The following SLC16A7 variants were observed in gnomAD, a reference collection of about 807,000 sequenced individuals.
The protein encoded by SLC16A7 is monocarboxylate transporter 2.
In SLC16A7, 33 loss-of-function variants were observed where a neutral mutation model predicts 34.9. The ratio of observed to expected loss-of-function variants is 0.94; its 90% CI spans 0.72 to 1.26. The LOEUF is 1.26. SLC16A7 is among the 50% of genes most tolerant of loss of function. The probability of loss-of-function intolerance (pLI) is 0.00; values close to 1 mark genes in which losing one functional copy is unlikely to be tolerated. For synonymous variants in SLC16A7, 201 were observed against 206.6 expected, an observed-to-expected ratio of 0.97 and a Z score of 0.23; for missense variants, 573 against 578.1, an observed-to-expected ratio of 0.99 and a Z score of 0.09.
At chr12:59,714,599 C>G (rs1874669275) in intron 3 of SLC16A7, among the ~76,000 whole-genome samples, 1 of 151,420 alleles carries the variant, frequency 6.6e-6, no homozygotes, top group African/African-American at 2.4e-5. Flanking sequence ...GAGTCTTGCT[C>G]TGCCGCCCAG....
intron 1 of SLC16A7, among the ~76,000 whole-genome samples, chr12:59,630,362 A>G (rs113018553): frequency 1.9e-4 from 29 of 152,002 alleles, no homozygotes; most frequent in African/African-American, 6.5e-4. Context: ...AGTTAGACAC[A>G]GTTGGAAGAT....
intron 3 of SLC16A7, among the ~76,000 whole-genome samples, chr12:59,705,874 T>A (rs548811380): frequency 6.6e-6 from 1 of 152,142 alleles, no homozygotes; most frequent in African/African-American, 2.4e-5. Flanking sequence ...TCTTCTGTGA[T>A]TTCTTATTTT....
chr12:59,631,914 G>A (rs1432686780), intron 1 of SLC16A7, among the ~76,000 whole-genome samples: 1 of 152,014 alleles, frequency 6.6e-6, no homozygotes, highest in Non-Finnish European at 1.5e-5. Context: ...GTGTATTTGT[G>A]TGTATGTTTG....
chr12:59,617,157 T>A (rs1030503907), intron 1 of SLC16A7, among the ~76,000 whole-genome samples: 1 of 152,098 alleles, frequency 6.6e-6, no homozygotes, highest in Admixed American at 6.5e-5. Flanking sequence ...ATTCCTGCTC[T>A]ATTCTGTGAG....
At position 59,775,168 on chromosome 12, in the gene SLC16A7, C is replaced by T. The variant is rs745748159; in HGVS notation, c.873C>T (p.Phe291=). ...SAAFLLSVMA[F]VDMFARPSVG... ...CTTTTCTGCTATCTGTTATGGCTTTCGTTGATATGTTTGCTAGGCCTTCTG... is the reference window on the plus strand; with the variant it reads ...CTTTTCTGCTATCTGTTATGGCTTTTGTTGATATGTTTGCTAGGCCTTCTG... Residue 291 remains phenylalanine, a synonymous_variant, in exon 5 of 6, where the codon TTC becomes TTT. Transcript: ENST00000547379. The T allele has an allele frequency of 4.5e-5, 73 of 1,613,890 alleles. No homozygotes were observed. The highest frequency in any genetic ancestry group is 5.1e-5 in the Non-Finnish European group (60 of 1,180,000).
intron 2 of SLC16A7, among the ~76,000 whole-genome samples, chr12:59,656,837 C>A (rs926220956): frequency 6.6e-6 from 1 of 151,896 alleles, no homozygotes; most frequent in East Asian, 1.9e-4. Context: ...CTTTTAGATA[C>A]ATAGTTTACT....
chr12:59,613,647 T>C (rs1385833512), intron 1 of SLC16A7, among the ~76,000 whole-genome samples: 1 of 152,154 alleles, frequency 6.6e-6, no homozygotes, highest in Non-Finnish European at 1.5e-5. Flanking sequence ...GTGGGAAGAC[T>C]ATCAGGTAGA....
intron 2 of SLC16A7, among the ~76,000 whole-genome samples, chr12:59,693,733 C>T (rs1324120270): frequency 2.0e-5 from 3 of 151,888 alleles, no homozygotes; most frequent in Middle Eastern, 3.4e-3. Flanking sequence ...ACAAGACCAT[C>T]AGAATGGACA....
intron 1 of SLC16A7, among the ~76,000 whole-genome samples, chr12:59,610,165 A>G (rs993494665): frequency 2.0e-5 from 3 of 152,342 alleles, no homozygotes; most frequent in South Asian, 2.1e-4. Flanking sequence ...GAGAAATTAC[A>G]GGGCAGCAAG....
intron 1 of SLC16A7, among the ~76,000 whole-genome samples, chr12:59,614,529 A>C (rs1012310162): frequency 2.0e-5 from 3 of 152,070 alleles, no homozygotes; most frequent in Non-Finnish European, 4.4e-5. Flanking sequence ...GAAAAATTAT[A>C]TATTCTTTGC....
chr12:59,617,204 A>G (rs1032278537), intron 1 of SLC16A7, among the ~76,000 whole-genome samples: 3 of 152,054 alleles, frequency 2.0e-5, no homozygotes, highest in African/African-American at 7.2e-5. Flanking sequence ...AAATTAGAGT[A>G]CATTTGTAAA....
rs1049671228 is a variant in SLC16A7, at chr12:59,739,020, A to G, written c.218-32199A>G. 3.7e-3 allele frequency among the ~76,000 whole-genome samples: 261 copies of G among 70,958 alleles called. 1 individual carries two copies. The highest frequency in any genetic ancestry group is 6.9e-3 in the Admixed American group (60 of 8,748). 46.6% of individuals were successfully genotyped at this position (70,958 alleles called of 152,430 possible). On this transcript the variant is annotated intron_variant, in intron 3 of 5. Transcript: ENST00000547379. ...GGAGCTGGGTGTAAATTTTTTTTTC[A>G]TTTATTTATTTATTTATTTATTTAT... is the stretch of plus-strand genomic sequence containing the variant.
chr12:59,635,087 T>C (rs540624229), intron 1 of SLC16A7, among the ~76,000 whole-genome samples: 1 of 152,186 alleles, frequency 6.6e-6, no homozygotes, highest in South Asian at 2.1e-4. Flanking sequence ...TCTCTCCCCA[T>C]TATTTATTAT....
intron 1 of SLC16A7, among the ~76,000 whole-genome samples, chr12:59,650,388 T>C (rs991401803): frequency 6.6e-5 from 10 of 152,292 alleles, no homozygotes; most frequent in African/African-American, 2.2e-4. Flanking sequence ...TGGTGTCTTT[T>C]CATGAAAGAT....
intron 3 of SLC16A7, among the ~76,000 whole-genome samples, chr12:59,706,945 TTC>T (rs1416418190): frequency 1.3e-5 from 2 of 152,136 alleles, no homozygotes; most frequent in African/African-American, 4.8e-5. Flanking sequence ...TTAATTTACA[TTC>T]TCTGTTAGTT....
chr12:59,652,270 CAT>C, intron 1 of SLC16A7, among the ~76,000 whole-genome samples: 1 of 151,906 alleles, frequency 6.6e-6, no homozygotes, highest in Non-Finnish European at 1.5e-5. Flanking sequence ...CAGGTGTAAA[CAT>C]GAGTAACATA....
intron 3 of SLC16A7, among the ~76,000 whole-genome samples, chr12:59,715,197 G>A (rs925418790): frequency 2.0e-5 from 3 of 152,116 alleles, no homozygotes; most frequent in Non-Finnish European, 4.4e-5. Context: ...ATACCAAATT[G>A]CTGCTTCTAG....
intron 2 of SLC16A7, among the ~76,000 whole-genome samples, chr12:59,669,278 A>G (rs1028683061): frequency 6.6e-6 from 1 of 152,238 alleles, no homozygotes. Flanking sequence ...CAATCCACAT[A>G]CAATTTGAAG....
chr12:59,690,043 T>C (rs996891502), intron 2 of SLC16A7, among the ~76,000 whole-genome samples: 1 of 151,968 alleles, frequency 6.6e-6, no homozygotes. Context: ...CTAGAAAGGA[T>C]TCTGTGGCTT....
Sources: gnomAD v4.1 joint callset for allele counts (sites outside exome capture counted in the v4.1 genomes callset) on GRCh38, gnomAD v4.1.1 for gene constraint, MANE v1.5 for transcripts, NCBI Gene and HGNC (gene_info 2026-07-23, HGNC 2026-07-21) for gene names.